PLIN4: variants seen among roughly 807,000 people sequenced by gnomAD.
The protein encoded by PLIN4 is perilipin-4.
Under a neutral mutation model 52.4 loss-of-function variants are expected in PLIN4, and 57 were observed. The ratio of observed to expected loss-of-function variants is 1.09; its 90% CI spans 0.88 to 1.36. The LOEUF (loss-of-function observed/expected upper bound fraction) is 1.36. Among genes scored for constraint, PLIN4 ranks in the 40% most tolerant of loss-of-function variants. The probability of loss-of-function intolerance (pLI) is 0.00; values close to 1 mark genes in which losing one functional copy is unlikely to be tolerated. For missense variants in PLIN4, 1,757 were observed against 1,770.3 expected (o/e 0.99, Z 0.13); for synonymous variants, 826 against 785.4 (o/e 1.05, Z -0.86).
chr19:4,509,380 G>GCCA (rs1451397531), intron 5 of PLIN4, among the ~76,000 whole-genome samples: 1 of 147,464 alleles, frequency 6.8e-6, no homozygotes, highest in Non-Finnish European at 1.5e-5. Flanking sequence ...ACATTGGGAG[G>GCCA]CCAAGGCGGG....
chr19:4,512,683 T>G lies in PLIN4; in HGVS notation c.1277A>C (p.Gln426Pro). Residue 426 changes from glutamine to proline, a missense_variant, in exon 5 of 8, where the codon CAA becomes CCA. Physicochemically the swap from Gln to Pro is moderately conservative, Grantham distance 76. Transcript: ENST00000301286. ...GTCCTTTGTACCTGTTGCGATATTTTGGGTTGTGTTCAGCCCAGTTTGCAT... is the reference window on the plus strand; with the variant it reads ...GTCCTTTGTACCTGTTGCGATATTTGGGGTTGTGTTCAGCCCAGTTTGCAT... ...GAMQTGLNTTQNIATGTKDTV... is the reference protein window; with the variant it reads ...GAMQTGLNTTPNIATGTKDTV... The G allele has an allele frequency of 1.3e-6, 2 of 1,554,704 alleles. No homozygotes were observed. The highest frequency in any genetic ancestry group is 1.7e-6 in the Non-Finnish European group (2 of 1,156,698).
intron 6 of PLIN4, among the ~76,000 whole-genome samples, chr19:4,507,250 G>A (rs1019961911): frequency 1.3e-5 from 2 of 152,254 alleles, no homozygotes; most frequent in African/African-American, 2.4e-5. Context: ...ACGGCCCGCC[G>A]GGGTGGGACT....
chr19:4,510,432 A>G lies in PLIN4; in HGVS notation c.3514+14T>C, dbSNP rs749124900. The G allele has an allele frequency of 7.9e-6, 11 of 1,396,320 alleles. No individual in the cohort carries two copies. Among genetic ancestry groups the G allele is most frequent in the African/African-American group, 2.9e-5 (2 of 68,182 alleles). The allele number at this position is 1,396,320 out of a possible 1,614,324, so 86.5% of individuals were successfully genotyped here. ...GCCTGCCTCAGGGACCCATGAACCCAGGCGTCCCCTCACCTTGCTCCTCCG... is the reference window on the plus strand; with the variant it reads ...GCCTGCCTCAGGGACCCATGAACCCGGGCGTCCCCTCACCTTGCTCCTCCG... On this transcript the variant is annotated intron_variant, in intron 5 of 7. Transcript: ENST00000301286.
rs1305648266 is a variant in PLIN4, at chr19:4,510,639, C to T, written c.3321G>A (p.Trp1107Ter). The T allele has an allele frequency of 2.0e-6, 3 of 1,506,870 alleles. No homozygotes were observed. The highest frequency in any genetic ancestry group is 2.7e-6 in the Non-Finnish European group (3 of 1,129,058). The allele number at this position is 1,506,870 out of a possible 1,614,324, so 93.3% of individuals were successfully genotyped here. ...GGCCCTTGGTAGTGGCTGCGGCTTC[C>T]CAGGCAGGCTCCGGGCCTACACTGA... is the stretch of plus-strand genomic sequence containing the variant. ...DVLSVGPEPAWEAAATTKGLA... is the reference protein window; with the variant it reads ...DVLSVGPEPA Residue 1107 changes from tryptophan (W) to a stop codon, truncating the protein, a stop_gained, in exon 5 of 8, where the codon TGG becomes TGA. Transcript: ENST00000301286. LOFTEE classifies it high-confidence loss of function.
intron 3 of PLIN4, among the ~76,000 whole-genome samples, chr19:4,517,252 A>G (rs945662498): frequency 3.9e-5 from 6 of 152,170 alleles, no homozygotes; most frequent in African/African-American, 1.4e-4. Context: ...TCAGATGGGC[A>G]GAGCACCCAG....
At position 4,502,413 on chromosome 19, in the gene PLIN4, G is replaced by C; in HGVS notation, c.*2046C>G. On this transcript the variant is annotated 3_prime_UTR_variant, in exon 8 of 8. Coordinates refer to ENST00000301286, the MANE Select transcript of PLIN4 (RefSeq NM_001367868.2). ...GCTGGGCGGGAGCAAGCTCTTCCCA[G>C]GAGACAAGAGGGACAAACCAGGGCA... The C allele has an allele frequency of 2.9e-6, 1 of 342,180 alleles. No individual in the cohort carries two copies. The highest frequency in any genetic ancestry group is 2.4e-5 in the South Asian group (1 of 41,604). The allele number at this position is 342,180 out of a possible 1,614,324, so 21.2% of individuals were successfully genotyped here.
At position 4,510,830 on chromosome 19, in the gene PLIN4, C is replaced by G. The variant is rs1333230945; in HGVS notation, c.3130G>C (p.Ala1044Pro). The part of the protein sequence containing the change: ...LMGSGNVATG[A>P]THTGLSTFQN... ...AAGGTGCTGAGGCCAGTGTGGGTGG[C>G]CCCTGTCGCCACGTTCCCTGACCCC... Residue 1044 changes from alanine to proline, a missense_variant, in exon 5 of 8, where the codon GCC becomes CCC. This residue lies in a region of PLIN4 where 712 missense variants were observed against 637.1 expected (regional missense o/e 1.12). Coordinates refer to ENST00000301286, the MANE Select transcript of PLIN4 (RefSeq NM_001367868.2). 6.2e-7 allele frequency: 1 copy of G among 1,611,562 alleles called. No individual in the cohort carries two copies. Among genetic ancestry groups the G allele is most frequent in the Non-Finnish European group, 8.5e-7 (1 of 1,178,302 alleles).
rs562014840 is a variant in PLIN4 at position 4,510,065 on chromosome 19, T to A, written c.3514+381A>T. 2.6e-3 allele frequency among the ~76,000 whole-genome samples: 397 copies of A among 151,450 alleles called. 12 individuals are homozygous for A. In the South Asian group the frequency reaches 0.052, roughly 20 times the overall value. ...GAAACAAACCAAATAAATACATTTT[T>A]AAAAAAAAAGTCAAGGGCCCAGCTG... On this transcript the variant is annotated intron_variant, in intron 5 of 7. Coordinates refer to ENST00000301286, the MANE Select transcript of PLIN4 (RefSeq NM_001367868.2).
Position 4,512,548 on chromosome 19 carries a change from C to T in PLIN4, c.1412G>A (p.Ser471Asn). 1 of 1,611,414 alleles carries T rather than the reference C, an allele frequency of 6.2e-7. No homozygotes were observed. Among genetic ancestry groups the T allele is most frequent in the Non-Finnish European group, 8.5e-7 (1 of 1,178,702 alleles). ...CACATTCGCAGCACCGGTGACCCCA[C>T]TGCAGACAGTGTCCTTGGTACCAGT... is the stretch of plus-strand genomic sequence containing the variant. ...VLTGTKDTVCSGVTGAANVAK... is the reference protein window; with the variant it reads ...VLTGTKDTVCNGVTGAANVAK... Residue 471 changes from serine (S) to asparagine (N), a missense_variant, in exon 5 of 8, where the codon AGT becomes AAT. Ser to Asn is a conservative substitution (Grantham distance 46, BLOSUM62 1). Transcript: ENST00000301286.
At position 4,508,740 on chromosome 19, in the gene PLIN4, C is replaced by T. The variant is rs770196875; in HGVS notation, c.3702+28G>A. 23 of 1,548,310 alleles carry T rather than the reference C, an allele frequency of 1.5e-5. No homozygotes were observed. In the Admixed American group the frequency reaches 2.7e-4, roughly 18 times the overall value. ...GGGGTTCTAAGAAGTGCCCTGGGGA[C>T]GGGGCAGCAGCAGGGGGAAGCTCTT... On this transcript the variant is annotated intron_variant, in intron 6 of 7. Transcript: ENST00000301286.
rs775778506 is a variant in PLIN4 at position 4,513,623 on chromosome 19, C to A, written c.337G>T (p.Val113Leu). 1 of 1,609,428 alleles carries A rather than the reference C, an allele frequency of 6.2e-7. No homozygotes were observed. Among genetic ancestry groups the A allele is most frequent in the Admixed American group, 1.7e-5 (1 of 59,356 alleles). ...ACCACTCCCTTAGCCACGTCCACCA[C>A]GCTGGCCACCCCGGAGGACACGGCA... ...KDAVSSGVAS[V>L]VDVAKGVVQG... The change falls in exon 5 of 8, where the codon GTG becomes TTG. Residue 113 changes from valine (V) to leucine (L), a missense_variant. By Grantham distance (32) the Val-to-Leu change is conservative. Coordinates refer to ENST00000301286, the MANE Select transcript of PLIN4 (RefSeq NM_001367868.2).
At chr19:4,506,632 G>C (rs1976102765) in intron 6 of PLIN4, among the ~76,000 whole-genome samples, 1 of 152,208 alleles carries the variant, frequency 6.6e-6, no homozygotes. Flanking sequence ...TCCCAGCCCA[G>C]CATCCTTCAC....
In PLIN4 at chr19:4,517,563, G is replaced by T; in HGVS notation, c.187C>A (p.Gln63Lys). The T allele has an allele frequency of 6.2e-7, 1 of 1,609,474 alleles. No homozygotes were observed. The highest frequency in any genetic ancestry group is 8.5e-7 in the Non-Finnish European group (1 of 1,178,560). ...TGGGCCAGCCACTCACCCTGAGCCTGTGGTTGGGCAGCCTCGGCAGCAGGC... is the reference window on the plus strand; with the variant it reads ...TGGGCCAGCCACTCACCCTGAGCCTTTGGTTGGGCAGCCTCGGCAGCAGGC... ...GAPAAEAAQP[Q>K]AQVAAHPEQT... Residue 63 changes from glutamine to lysine, a missense_variant, in exon 3 of 8, where the codon CAG becomes AAG. Physicochemically the swap from Gln to Lys is moderately conservative, Grantham distance 53. Around this residue, in one of 7 missense-constraint regions of PLIN4, gnomAD observed 332 missense variants for 310.8 expected, o/e 1.07. Coordinates refer to ENST00000301286, the MANE Select transcript of PLIN4 (RefSeq NM_001367868.2).
intron 6 of PLIN4, among the ~76,000 whole-genome samples, chr19:4,505,386 C>T (rs1442057806): frequency 6.6e-6 from 1 of 152,218 alleles, no homozygotes; most frequent in East Asian, 1.9e-4. Flanking sequence ...TTTGCACACA[C>T]TGCCCACTCA....
In PLIN4 at chr19:4,511,996, G is replaced by C; in HGVS notation, c.1964C>G (p.Thr655Arg). 6.2e-7 allele frequency: 1 copy of C among 1,609,144 alleles called. No homozygotes were observed. Among genetic ancestry groups the C allele is most frequent in the Non-Finnish European group, 8.5e-7 (1 of 1,177,844 alleles). The stretch of plus-strand genomic sequence containing the variant: ...TGTACCTGTCGCGATATTTTGGGTC[G>C]TTTTCAGCCCAGTTTGCACAGCCCC... ...AKGAVQTGLK[T>R]TQNIATGTKN... Residue 655 changes from threonine to arginine, a missense_variant, in exon 5 of 8, where the codon ACG (threonine) becomes AGG (arginine). Transcript: ENST00000301286.
At position 4,510,711 on chromosome 19, in the gene PLIN4, G is replaced by T; in HGVS notation, c.3249C>A (p.Ser1083Arg). The T allele has an allele frequency of 6.5e-7, 1 of 1,534,294 alleles. No individual in the cohort carries two copies. Reference protein sequence around the residue: ...TDNGGEQTALSPQEAPFSGIS... With the variant: ...TDNGGEQTALRPQEAPFSGIS... ...TGCCAGAGAACGGGGCCTCTTGGGG[G>T]CTCAGGGCAGTCTGCTCCCCACCAT... is the stretch of plus-strand genomic sequence containing the variant. Residue 1083 changes from serine (S) to arginine (R), a missense_variant, in exon 5 of 8, where the codon AGC becomes AGA. Physicochemically the swap from Ser to Arg is moderately radical, Grantham distance 110. Coordinates refer to ENST00000301286, the MANE Select transcript of PLIN4 (RefSeq NM_001367868.2).
In PLIN4 at chr19:4,510,629, C is replaced by T; in HGVS notation, c.3331G>A (p.Ala1111Thr). 6.6e-7 allele frequency: 1 copy of T among 1,507,602 alleles called. No homozygotes were observed. The highest frequency in any genetic ancestry group is 8.9e-7 in the Non-Finnish European group (1 of 1,129,226). 93.4% of individuals were successfully genotyped at this position (1,507,602 alleles called of 1,614,324 possible). Residue 1111 changes from alanine to threonine, a missense_variant, in exon 5 of 8, where the codon GCC becomes ACC. By Grantham distance (58) the Ala-to-Thr change is moderately conservative. Transcript: ENST00000301286. Reference sequence around the variant, plus strand: ...TCAGTCGCAAGGCCCTTGGTAGTGGCTGCGGCTTCCCAGGCAGGCTCCGGG... The same window carrying T: ...TCAGTCGCAAGGCCCTTGGTAGTGGTTGCGGCTTCCCAGGCAGGCTCCGGG... ...VGPEPAWEAA[A>T]TTKGLATDVA...
chr19:4,510,652 G>A lies in PLIN4; in HGVS notation c.3308C>T (p.Pro1103Leu), dbSNP rs371794548. 20 of 1,507,630 alleles carry A rather than the reference G, an allele frequency of 1.3e-5. No homozygotes were observed. Among genetic ancestry groups the A allele is most frequent in the South Asian group, 5.4e-5 (4 of 74,370 alleles). 93.4% of individuals were successfully genotyped at this position (1,507,630 alleles called of 1,614,324 possible). The change falls in exon 5 of 8, where the codon CCG becomes CTG. Residue 1103 changes from proline to leucine, a missense_variant. By Grantham distance (98) the Pro-to-Leu change is moderately conservative. This residue lies in a region of PLIN4 where 712 missense variants were observed against 637.1 expected (regional missense o/e 1.12). Transcript: ENST00000301286. ...STPPDVLSVG[P>L]EPAWEAAATT... ...GGCTGCGGCTTCCCAGGCAGGCTCC[G>A]GGCCTACACTGAGCACATCCGGGGG... is the stretch of plus-strand genomic sequence containing the variant.
Position 4,513,001 on chromosome 19 carries a change from T to C in PLIN4, c.959A>G (p.Gln320Arg), listed in dbSNP as rs1976470051. 1.9e-6 allele frequency: 1 copy of C among 529,196 alleles called. No individual in the cohort carries two copies. Among genetic ancestry groups the C allele is most frequent in the Non-Finnish European group, 3.2e-6 (1 of 310,852 alleles). The allele number at this position is 529,196 out of a possible 1,614,324, so 32.8% of individuals were successfully genotyped here. A position where few individuals can be genotyped will look rare whatever the true frequency, so the allele number is the denominator to read the frequency against. ...GAMNVAKGTI[Q>R]TGVDTSKTVL... ...AGTCTTACTGGTGTCCACGCCGGTC[T>C]GGATGGTTCCTTTGGCCACATTCAT... The change falls in exon 5 of 8, where the codon CAG becomes CGG. Residue 320 changes from glutamine to arginine, a missense_variant. Transcript: ENST00000301286.
Sources: allele counts gnomAD v4.1 joint callset (sites outside exome capture counted in the v4.1 genomes callset), GRCh38; gene constraint gnomAD v4.1.1; regional missense constraint gnomAD v4.1.1; transcripts MANE v1.5; gene names NCBI Gene and HGNC (gene_info 2026-07-23, HGNC 2026-07-21).